The following CELF4 variants were observed in gnomAD, a reference collection of about 807,000 sequenced individuals.
CELF4 encodes CUG-BP- and ETR-3-like factor 4.
Under a neutral mutation model 59.9 loss-of-function variants are expected in CELF4, and 18 were observed. The observed-to-expected ratio is 0.30, with a 90% CI of 0.21 to 0.45. The LOEUF is 0.45. Among genes scored for constraint, CELF4 ranks in the 20% least tolerant of loss-of-function variants. The pLI is 1.00. For missense variants in CELF4, 456 were observed against 689.0 expected (o/e 0.66, Z 3.79); for synonymous variants, 261 against 267.1 (o/e 0.98, Z 0.22).
intron 1 of CELF4, among the ~76,000 whole-genome samples, chr18:37,538,171 C>T (rs1055841832): frequency 2.0e-5 from 3 of 152,208 alleles, no homozygotes; most frequent in Admixed American, 6.5e-5. Flanking sequence ...AGGGGATGGC[C>T]CTGGTCTCTC....
At chr18:37,522,422 A>C (rs2099958548) in intron 1 of CELF4, among the ~76,000 whole-genome samples, 1 of 152,054 alleles carries the variant, frequency 6.6e-6, no homozygotes, top group South Asian at 2.1e-4. Context: ...GAGGGACTGA[A>C]ATTAGGACTA....
rs185009758 is a variant in CELF4, at chr18:37,412,239, G to T, written c.369+73286C>A. Among the ~76,000 whole-genome samples, 5 of 152,322 alleles carry T rather than the reference G, an allele frequency of 3.3e-5. No individual in the cohort carries two copies. The East Asian group carries it at 9.7e-4, about 29-fold the overall frequency. ...GCAGAACTTCCAGCCCAGAGACGGA[G>T]ACTGCTTATGGCATGTTATAAACCA... On this transcript the variant is annotated intron_variant, in intron 2 of 12. Coordinates refer to ENST00000420428, the MANE Select transcript of CELF4 (RefSeq NM_020180.4).
intron 2 of CELF4, among the ~76,000 whole-genome samples, chr18:37,386,935 C>G (rs2099105438): frequency 1.3e-5 from 2 of 152,154 alleles, no homozygotes; most frequent in Non-Finnish European, 2.9e-5. Context: ...TCTCAGTGAC[C>G]TGAAGAAGAA....
intron 2 of CELF4, among the ~76,000 whole-genome samples, chr18:37,333,806 A>G (rs1490575156): frequency 6.6e-6 from 1 of 151,566 alleles, no homozygotes; most frequent in Non-Finnish European, 1.5e-5. Context: ...CCATCCATCC[A>G]TCCATGCATC....
rs982376688 is a variant in CELF4, at chr18:37,244,980, C to T, written c.*262G>A. On this transcript the variant is annotated 3_prime_UTR_variant, in exon 13 of 13. Coordinates refer to ENST00000420428, the MANE Select transcript of CELF4 (RefSeq NM_020180.4). ...TTTTCTCATTTTTCTTCATCTTCTTCTTCATGTCATATATATTTTCCCCCA... is the reference window on the plus strand; with the variant it reads ...TTTTCTCATTTTTCTTCATCTTCTTTTTCATGTCATATATATTTTCCCCCA... 3 of 152,390 alleles carry T rather than the reference C, an allele frequency of 2.0e-5. No homozygotes were observed. Among genetic ancestry groups the T allele is most frequent in the African/African-American group, 7.2e-5 (3 of 41,380 alleles). The allele number at this position is 152,390 out of a possible 1,614,324, so 9.4% of individuals were successfully genotyped here. A position where few individuals can be genotyped will look rare whatever the true frequency, so the allele number is the denominator to read the frequency against.
chr18:37,447,802 G>A (rs1027905282), intron 2 of CELF4, among the ~76,000 whole-genome samples: 3 of 152,206 alleles, frequency 2.0e-5, no homozygotes, highest in Non-Finnish European at 4.4e-5. Context: ...CTTTTTGTGG[G>A]AGATTCATTC....
chr18:37,247,895 G>A (rs1303338020), intron 12 of CELF4, among the ~76,000 whole-genome samples: 1 of 152,202 alleles, frequency 6.6e-6, no homozygotes, highest in Non-Finnish European at 1.5e-5. Flanking sequence ...TCTCCCCCAG[G>A]GGTGGCGCTC....
At chr18:37,373,933 A>G (rs1373919871) in intron 2 of CELF4, among the ~76,000 whole-genome samples, 26 of 152,214 alleles carry the variant, frequency 1.7e-4, no homozygotes, top group Admixed American at 1.7e-3. Context: ...TGCTGGCTCA[A>G]AGATGTGCTT....
intron 2 of CELF4, among the ~76,000 whole-genome samples, chr18:37,405,893 C>T (rs914047522): frequency 6.6e-6 from 1 of 152,126 alleles, no homozygotes. Context: ...TGGCCCCCCT[C>T]CAGCCGGGAG....
chr18:37,565,360 G>A lies in CELF4; in HGVS notation c.282C>T (p.His94=). The change falls in exon 1 of 13, where the codon CAC becomes CAT. Residue 94 remains histidine (H), a synonymous_variant. Coordinates refer to ENST00000420428, the MANE Select transcript of CELF4 (RefSeq NM_020180.4). ...TVLKDRFTGM[H]KGCAFLTYCE... is the part of the protein sequence containing the mutation. ...GGGAGGGAAAGGTGTACTCACCTTT[G>A]TGCATGCCTGTGAACCTGTCCTTCA... 1 of 1,556,178 alleles carries A rather than the reference G, an allele frequency of 6.4e-7. No individual in the cohort carries two copies. The highest frequency in any genetic ancestry group is 8.7e-7 in the Non-Finnish European group (1 of 1,148,240).
intron 1 of CELF4, among the ~76,000 whole-genome samples, chr18:37,550,729 G>A (rs533780849): frequency 1.7e-4 from 26 of 152,312 alleles, no homozygotes; most frequent in African/African-American, 4.8e-4. Context: ...GCTGGAGGCC[G>A]GGCAGACCTC....
intron 1 of CELF4, among the ~76,000 whole-genome samples, chr18:37,555,225 C>T (rs560503634): frequency 6.7e-4 from 102 of 152,310 alleles, no homozygotes; most frequent in African/African-American, 2.1e-3. Context: ...GTGCCTCATC[C>T]GGTGAGACCA....
chr18:37,391,320 A>G (rs908584824), intron 2 of CELF4, among the ~76,000 whole-genome samples: 1 of 152,192 alleles, frequency 6.6e-6, no homozygotes, highest in Non-Finnish European at 1.5e-5. Flanking sequence ...CCCCTCTCTA[A>G]GGAGCAGCAC....
chr18:37,541,422 C>T (rs1456055843), intron 1 of CELF4, among the ~76,000 whole-genome samples: 3 of 152,108 alleles, frequency 2.0e-5, no homozygotes, highest in South Asian at 2.1e-4. Flanking sequence ...ATCCTGACCC[C>T]GTCTGTTTCT....
At chr18:37,537,677 G>A (rs750788765) in intron 1 of CELF4, among the ~76,000 whole-genome samples, 7 of 152,192 alleles carry the variant, frequency 4.6e-5, no homozygotes, top group Non-Finnish European at 1.0e-4. Flanking sequence ...GATGAGCCCC[G>A]GAGGTGGTGA....
intron 2 of CELF4, among the ~76,000 whole-genome samples, chr18:37,361,412 G>C (rs1310198672): frequency 6.6e-6 from 1 of 152,206 alleles, no homozygotes; most frequent in Non-Finnish European, 1.5e-5. Context: ...CTGGGGTGGG[G>C]TTTGGCAGGC....
intron 2 of CELF4, among the ~76,000 whole-genome samples, chr18:37,420,562 C>G (rs773019580): frequency 1.1e-4 from 16 of 152,204 alleles, no homozygotes; most frequent in Admixed American, 8.5e-4. Context: ...GGCACTCTGT[C>G]TACCTCCTGG....
At chr18:37,469,257 G>T (rs1454303741) in intron 2 of CELF4, among the ~76,000 whole-genome samples, 1 of 152,086 alleles carries the variant, frequency 6.6e-6, no homozygotes, top group Non-Finnish European at 1.5e-5. Flanking sequence ...GCATCTACTT[G>T]TAGCTGCATG....
At chr18:37,427,603 C>T (rs539538092) in intron 2 of CELF4, among the ~76,000 whole-genome samples, 2 of 152,192 alleles carry the variant, frequency 1.3e-5, no homozygotes, top group Non-Finnish European at 2.9e-5. Context: ...ACCTCATCTC[C>T]TCTTGCATGG....
Sources: gnomAD v4.1 joint callset for allele counts (sites outside exome capture counted in the v4.1 genomes callset) on GRCh38, gnomAD v4.1.1 for gene constraint, MANE v1.5 for transcripts, NCBI Gene and HGNC (gene_info 2026-07-23, HGNC 2026-07-21) for gene names.